Variants in CELF2 observed in about 807,000 individuals in gnomAD.
The protein encoded by CELF2 is CUG triplet repeat RNA-binding protein 2.
CELF2 carries 8 observed loss-of-function variants against 62.6 expected under a neutral mutation model. The ratio of observed to expected loss-of-function variants is 0.13; its 90% CI spans 0.07 to 0.23. CELF2 has a LOEUF of 0.23. CELF2 is among the 10% of genes least tolerant of loss of function. The pLI is 1.00. For missense variants in CELF2, 333 were observed against 671.0 expected, an observed-to-expected ratio of 0.50 and a Z score of 5.56; for synonymous variants, 258 against 250.0, an observed-to-expected ratio of 1.03 and a Z score of -0.30.
At chr10:10,834,506 C>T (rs9633764) in intron 1 of CELF2, among the ~76,000 whole-genome samples, 1 of 151,502 alleles carries the variant, frequency 6.6e-6, no homozygotes, top group Non-Finnish European at 1.5e-5. Flanking sequence ...ACAGGACAGG[C>T]GACAGCCCAG....
chr10:10,991,345 A>G (rs1467219102), intron 2 of CELF2, among the ~76,000 whole-genome samples: 3 of 152,210 alleles, frequency 2.0e-5, no homozygotes, highest in Non-Finnish European at 4.4e-5. Flanking sequence ...AGCAATTCTG[A>G]TGACAGGCCT....
chr10:10,696,571 C>T, the CELF2 span, among the ~76,000 whole-genome samples: 1 of 151,960 alleles, frequency 6.6e-6, no homozygotes, highest in African/African-American at 2.4e-5. Flanking sequence ...CCTAAGCAAG[C>T]CTGGGCAATG....
chr10:11,324,576 T>A lies in CELF2; in HGVS notation c.1295-1260T>A, dbSNP rs1168685979. Among the ~76,000 whole-genome samples, 1 of 152,232 alleles carries A rather than the reference T, an allele frequency of 6.6e-6. No homozygotes were observed. The highest frequency in any genetic ancestry group is 1.5e-5 in the Non-Finnish European group (1 of 68,032). On this transcript the variant is annotated intron_variant, in intron 11 of 12. Transcript: ENST00000633077. The surrounding 1 kb of genome is among the most constrained non-coding windows in gnomAD (Gnocchi z 4.7). ...TTACAGTAGTCATTAAGACACACTT[T>A]TAAATGAGAAAGGAAGAGTTCACTC...
chr10:10,496,644 A>G, the CELF2 span, among the ~76,000 whole-genome samples: 2 of 152,188 alleles, frequency 1.3e-5, no homozygotes, highest in African/African-American at 2.4e-5. Context: ...AAGAAGACAT[A>G]CACACTTATC....
At chr10:10,574,872 G>GCTTTTTTTTTTTTTTTTTTT in the CELF2 span, among the ~76,000 whole-genome samples, 2 of 105,980 alleles carry the variant, frequency 1.9e-5, 1 homozygote, top group Admixed American at 2.3e-4. Context: ...ACCATGCCTG[G>GCTTTTTTTTTTTTTTTTTTT]TTTTTTTTTT....
At chr10:11,139,023 T>C (rs74914669) in intron 1 of CELF2, among the ~76,000 whole-genome samples, 1,771 of 152,352 alleles carry the variant, frequency 0.012, 31 homozygotes, top group African/African-American at 0.041. Flanking sequence ...GGAAAGTACA[T>C]ATAATGTAAT....
At chr10:11,121,462 T>C (rs770928989) in intron 1 of CELF2, among the ~76,000 whole-genome samples, 1 of 152,150 alleles carries the variant, frequency 6.6e-6, no homozygotes, top group Non-Finnish European at 1.5e-5. Flanking sequence ...GTCCCTCCCT[T>C]CTTTCTTCTT....
At chr10:11,104,655 C>T (rs1177202726) in intron 1 of CELF2, among the ~76,000 whole-genome samples, 1 of 152,214 alleles carries the variant, frequency 6.6e-6, no homozygotes, top group Non-Finnish European at 1.5e-5. Flanking sequence ...GCACTCCAGT[C>T]TAGGTGACAG....
chr10:11,288,407 T>TC lies in CELF2; in HGVS notation c.842-8dup, dbSNP rs778610483. 4.2e-5 allele frequency: 68 copies of TC among 1,613,376 alleles called. No individual in the cohort carries two copies. The highest frequency in any genetic ancestry group is 5.1e-5 in the Non-Finnish European group (60 of 1,179,784). On this transcript the variant is annotated splice_polypyrimidine_tract_variant and intron_variant, in intron 8 of 12. Transcript: ENST00000633077. ...CCTGTTGCTGAAAGTAACTTTCTCTTCCCTCCACAGGCATGAATGCTTTAC... is the reference window on the plus strand; with the variant it reads ...CCTGTTGCTGAAAGTAACTTTCTCTTCCCCTCCACAGGCATGAATGCTTTAC...
At chr10:10,583,334 A>G in the CELF2 span, among the ~76,000 whole-genome samples, 1 of 152,098 alleles carries the variant, frequency 6.6e-6, no homozygotes, top group African/African-American at 2.4e-5. Context: ...CTAGTTACTC[A>G]TGATTTATCC....
chr10:10,796,752 T>C, upstream of CELF2: 1 of 272,976 alleles, frequency 3.7e-6, no homozygotes, highest in Non-Finnish European at 5.6e-6. Context: ...ATAAAAGCTA[T>C]TATTATCACC....
chr10:10,803,861 C>T (rs1200047413), intron 1 of CELF2, among the ~76,000 whole-genome samples: 1 of 152,180 alleles, frequency 6.6e-6, no homozygotes, highest in Non-Finnish European at 1.5e-5. Flanking sequence ...CTCTTTGTCT[C>T]TCTTATCCTA....
intron 5 of CELF2, among the ~76,000 whole-genome samples, chr10:11,264,608 T>C (rs2081635447): frequency 1.3e-5 from 2 of 152,226 alleles, no homozygotes; most frequent in African/African-American, 2.4e-5. Context: ...CCAGGGATGA[T>C]GAAAATGCTT....
the CELF2 span, among the ~76,000 whole-genome samples, chr10:10,654,903 C>T: frequency 6.7e-6 from 1 of 148,554 alleles, no homozygotes; most frequent in Non-Finnish European, 1.5e-5. Flanking sequence ...AAAGGGTATT[C>T]AATTAGGAAA....
chr10:11,278,460 A>G (rs2086960009), intron 8 of CELF2, among the ~76,000 whole-genome samples: 2 of 152,206 alleles, frequency 1.3e-5, no homozygotes, highest in African/African-American at 4.8e-5. Context: ...AATTTCAGAA[A>G]TCTCAGAAAC....
At chr10:10,908,320 C>T (rs1474865597) in intron 1 of CELF2, among the ~76,000 whole-genome samples, 1 of 149,876 alleles carries the variant, frequency 6.7e-6, no homozygotes, top group African/African-American at 2.5e-5. Context: ...CCCAGGTTCA[C>T]GCCATTCTCC....
At chr10:10,918,323 T>A (rs540221170) in intron 1 of CELF2, among the ~76,000 whole-genome samples, 2 of 152,238 alleles carry the variant, frequency 1.3e-5, no homozygotes, top group Admixed American at 1.3e-4. Flanking sequence ...GACATGAACA[T>A]GTGTGACACA....
At chr10:10,886,730 G>A (rs760799736) in intron 1 of CELF2, among the ~76,000 whole-genome samples, 12 of 152,178 alleles carry the variant, frequency 7.9e-5, no homozygotes, top group Non-Finnish European at 1.3e-4. Context: ...CAGCTACCTG[G>A]GAAGCTGAGG....
chr10:10,723,038 C>T, the CELF2 span, among the ~76,000 whole-genome samples: 99 of 152,296 alleles, frequency 6.5e-4, no homozygotes, highest in African/African-American at 2.1e-3. Context: ...CCTCATCCAT[C>T]ATTATGTACT....
Sources: allele counts gnomAD v4.1 joint callset (sites outside exome capture counted in the v4.1 genomes callset), GRCh38; gene constraint gnomAD v4.1.1; non-coding constraint Gnocchi (gnomAD v3.1); transcripts MANE v1.5; gene names NCBI Gene and HGNC (gene_info 2026-07-23, HGNC 2026-07-21).